The following TNR variants were observed in gnomAD, a reference collection of about 807,000 sequenced individuals.
TNR encodes the protein tenascin-R.
Under a neutral mutation model 150.4 loss-of-function variants are expected in TNR, and 45 were observed. That is an observed-to-expected ratio of 0.30 (90% confidence interval 0.24 to 0.38). The LOEUF (loss-of-function observed/expected upper bound fraction) is 0.38, where lower values mean the gene tolerates loss of function less well. Among genes scored for constraint, TNR ranks in the 10% least tolerant of loss-of-function variants. The pLI, the probability that TNR is intolerant of heterozygous loss-of-function variation, is 1.00. For synonymous variants in TNR, 687 were observed against 678.4 expected (o/e 1.01, Z -0.20); for missense variants, 1,544 against 1,759.1 (o/e 0.88, Z 2.19).
chr1:175,701,266 C>T (rs1339524084), intron 1 of TNR, among the ~76,000 whole-genome samples: 3 of 152,158 alleles, frequency 2.0e-5, no homozygotes, highest in African/African-American at 7.2e-5. Context: ...CCTGTTCCTG[C>T]TCTCCTCTCT....
intron 1 of TNR, among the ~76,000 whole-genome samples, chr1:175,701,457 C>T (rs2101927284): frequency 6.6e-6 from 1 of 152,338 alleles, no homozygotes; most frequent in South Asian, 2.1e-4. Context: ...AGTCTTAGTC[C>T]AACAAGTCCT....
chr1:175,552,544 T>A (rs1022968453), intron 1 of TNR, among the ~76,000 whole-genome samples: 1 of 152,230 alleles, frequency 6.6e-6, no homozygotes, highest in Non-Finnish European at 1.5e-5. Context: ...TAGAGGCTGA[T>A]TGGCTTATTC....
intron 1 of TNR, among the ~76,000 whole-genome samples, chr1:175,646,718 A>G (rs910063119): frequency 2.6e-5 from 4 of 152,218 alleles, no homozygotes; most frequent in African/African-American, 9.6e-5. Flanking sequence ...TACGGCAGCA[A>G]TCAGTCAATG....
chr1:175,562,179 A>G (rs72725450), intron 1 of TNR, among the ~76,000 whole-genome samples: 3,378 of 152,228 alleles, frequency 0.022, 53 homozygotes, highest in Non-Finnish European at 0.035. Context: ...TATAAGCTAT[A>G]TTGTTATATT....
chr1:175,522,085 C>A (rs973870742), intron 2 of TNR, among the ~76,000 whole-genome samples: 1 of 152,166 alleles, frequency 6.6e-6, no homozygotes, highest in African/African-American at 2.4e-5. Flanking sequence ...CCTTTAGCTG[C>A]CTTGCATTTC....
chr1:175,631,956 G>A (rs962993288), intron 1 of TNR, among the ~76,000 whole-genome samples: 2 of 152,164 alleles, frequency 1.3e-5, no homozygotes, highest in Admixed American at 1.3e-4. Flanking sequence ...AAACCAGGAG[G>A]CATCTATCAT....
intron 1 of TNR, among the ~76,000 whole-genome samples, chr1:175,650,813 C>CCT (rs1558054768): frequency 1.3e-3 from 5 of 3,810 alleles, no homozygotes; most frequent in South Asian, 0.01. Flanking sequence ...TACTACCTGT[C>CCT]CCCCACCTCC....
At chr1:175,447,070 C>T (rs1269194955) in intron 2 of TNR, among the ~76,000 whole-genome samples, 3 of 152,076 alleles carry the variant, frequency 2.0e-5, no homozygotes, top group African/African-American at 7.2e-5. Context: ...CATGTGTGTA[C>T]GCATATTCGT....
At position 175,553,817 on chromosome 1, in the gene TNR, AAC is replaced by A. The variant is rs58714689; in HGVS notation, c.-164-25450_-164-25449del. Among the ~76,000 whole-genome samples the A allele has an allele frequency of 1.6e-3, 235 of 145,416 alleles. 1 individual carries two copies. The highest frequency in any genetic ancestry group is 4.6e-3 in the East Asian group (23 of 4,984). Reference sequence around the variant, plus strand: ...TCATACATATGCATATACAAGAACAAACACACACACACACACACACACACACA... The same window carrying A: ...TCATACATATGCATATACAAGAACAAACACACACACACACACACACACACA... On this transcript the variant is annotated intron_variant, in intron 1 of 22. Coordinates refer to ENST00000367674, the MANE Select transcript of TNR (RefSeq NM_003285.3).
chr1:175,554,560 G>T (rs564403820), intron 1 of TNR, among the ~76,000 whole-genome samples: 1 of 152,256 alleles, frequency 6.6e-6, no homozygotes, highest in East Asian at 1.9e-4. Context: ...CCTGTAGCTA[G>T]TTACTTGTTG....
At chr1:175,419,126 C>T (rs1472837783) in intron 2 of TNR, among the ~76,000 whole-genome samples, 1 of 152,082 alleles carries the variant, frequency 6.6e-6, no homozygotes, top group Non-Finnish European at 1.5e-5. Context: ...TCTTAAATCC[C>T]CTTTCTCTCA....
At chr1:175,387,802 G>C (rs895715976) in intron 7 of TNR, among the ~76,000 whole-genome samples, 1 of 152,186 alleles carries the variant, frequency 6.6e-6, no homozygotes, top group Admixed American at 6.5e-5. Flanking sequence ...GGCCGTCTTA[G>C]GCTGACCTTG....
In TNR at chr1:175,619,028, A is replaced by C. The variant is rs537228231; in HGVS notation, c.-164-90659T>G. On this transcript the variant is annotated intron_variant, in intron 1 of 22. Coordinates refer to ENST00000367674, the MANE Select transcript of TNR (RefSeq NM_003285.3). ...AGGTGGGTGAAGGGCTGGCAGGGCA[A>C]CTTCTGCAACTAAAGAGCAAATGGC... Among the ~76,000 whole-genome samples the C allele has an allele frequency of 2.2e-4, 33 of 152,280 alleles. 1 individual carries two copies. The East Asian group carries it at 6.4e-3, about 29-fold the overall frequency.
chr1:175,394,145 C>T (rs372522218), intron 5 of TNR, among the ~76,000 whole-genome samples: 1 of 152,192 alleles, frequency 6.6e-6, no homozygotes, highest in Non-Finnish European at 1.5e-5. Flanking sequence ...ATTTTTAATG[C>T]TTTTTATTGC....
chr1:175,403,256 T>C lies in TNR; in HGVS notation c.860A>G (p.Tyr287Cys). Residue 287 changes from tyrosine to cysteine, a missense_variant, in exon 4 of 23, where the codon TAC becomes TGC. By Grantham distance (194) the Tyr-to-Cys change is radical. Around this residue, in one of 2 missense-constraint regions of TNR, gnomAD observed 1,254 missense variants for 1,329.4 expected, o/e 0.94. Coordinates refer to ENST00000367674, the MANE Select transcript of TNR (RefSeq NM_003285.3). Reference sequence around the variant, plus strand: ...CCGCTGGCCGCAGTCCTCACCAACGTAGCCCTCCTCGCATAAACAGGTACC... The same window carrying C: ...CCGCTGGCCGCAGTCCTCACCAACGCAGCCCTCCTCGCATAAACAGGTACC... ...ANGTCLCEEG[Y>C]VGEDCGQRQC... 1 of 1,614,138 alleles carries C rather than the reference T, an allele frequency of 6.2e-7. No homozygotes were observed. Among genetic ancestry groups the C allele is most frequent in the Non-Finnish European group, 8.5e-7 (1 of 1,180,024 alleles).
In TNR at chr1:175,334,664, A is replaced by G. The variant is rs565146372; in HGVS notation, c.3631+1047T>C. 2.6e-5 allele frequency among the ~76,000 whole-genome samples: 4 copies of G among 152,252 alleles called. No individual in the cohort carries two copies. The East Asian group carries it at 7.7e-4, about 29-fold the overall frequency. On this transcript the variant is annotated intron_variant, in intron 20 of 22. Transcript: ENST00000367674. Reference sequence around the variant, plus strand: ...GATGCAGACTCAGGGCACGAGGACCATTTTCCACACTCCTATGATTTTATC... The same window carrying G: ...GATGCAGACTCAGGGCACGAGGACCGTTTTCCACACTCCTATGATTTTATC...
At chr1:175,555,660 G>T (rs1661128733) in intron 1 of TNR, among the ~76,000 whole-genome samples, 1 of 152,152 alleles carries the variant, frequency 6.6e-6, no homozygotes, top group African/African-American at 2.4e-5. Context: ...AGGGTATTTG[G>T]TCTCAAACCC....
intron 2 of TNR, among the ~76,000 whole-genome samples, chr1:175,471,260 G>A (rs1233431951): frequency 6.6e-6 from 1 of 152,148 alleles, no homozygotes; most frequent in Non-Finnish European, 1.5e-5. Flanking sequence ...CTTTATTTGG[G>A]ATCCTTGACA....
intron 1 of TNR, among the ~76,000 whole-genome samples, chr1:175,598,071 A>G (rs1301570330): frequency 6.6e-6 from 1 of 152,196 alleles, no homozygotes. Context: ...CACACAGGGC[A>G]TGTTCCTGAG....
Sources: allele counts gnomAD v4.1 joint callset (sites outside exome capture counted in the v4.1 genomes callset), GRCh38; gene constraint gnomAD v4.1.1; regional missense constraint gnomAD v4.1.1; transcripts MANE v1.5; gene names NCBI Gene and HGNC (gene_info 2026-07-23, HGNC 2026-07-21).